FGD4: variants seen among roughly 807,000 people sequenced by gnomAD.
FGD4 encodes FYVE, RhoGEF and PH domain containing 4.
In FGD4, 42 loss-of-function variants were observed where a neutral mutation model predicts 102.0. That is an observed-to-expected ratio of 0.41 (90% CI 0.32 to 0.53). FGD4 has a LOEUF of 0.53. Ranked by LOEUF, FGD4 falls within the 20% of genes least tolerant of loss-of-function variation. The pLI, the probability that FGD4 is intolerant of heterozygous loss-of-function variation, is 0.21. For synonymous variants in FGD4, 380 were observed against 375.7 expected (o/e 1.01, Z -0.13); for missense variants, 902 against 1,078.2 (o/e 0.84, Z 2.29).
intron 12 of FGD4, 39 bp from the exon 13 acceptor site, chr12:32,624,937 A>C: frequency 6.5e-7 from 1 of 1,538,454 alleles, no homozygotes. Context: ...TTTATATGAG[A>C]AACTTTAATG....
intron 1 of FGD4, among the ~76,000 whole-genome samples, chr12:32,413,450 G>A (rs1361275460): frequency 6.6e-6 from 1 of 152,166 alleles, no homozygotes; most frequent in African/African-American, 2.4e-5. Flanking sequence ...TTACCAGTAT[G>A]TTAGCAGTAT....
intron 4 of FGD4, among the ~76,000 whole-genome samples, chr12:32,594,012 A>G (rs1243214211): frequency 6.6e-6 from 1 of 152,232 alleles, no homozygotes; most frequent in East Asian, 1.9e-4. Context: ...GTAGGAGCAT[A>G]GAGGGGGTTG....
chr12:32,534,517 T>A, intron 1 of FGD4: 1 of 1,435,828 alleles, frequency 7.0e-7, no homozygotes, highest in Non-Finnish European at 9.2e-7. Context: ...TTTCATTTTC[T>A]AGTAGATATA....
At chr12:32,413,338 G>A (rs1014886253) in intron 1 of FGD4, among the ~76,000 whole-genome samples, 5 of 151,908 alleles carry the variant, frequency 3.3e-5, no homozygotes, top group South Asian at 2.1e-4. Flanking sequence ...AATGATCTTC[G>A]TTTACTCTGC....
intron 2 of FGD4, among the ~76,000 whole-genome samples, chr12:32,574,468 A>T (rs1945966321): frequency 6.6e-6 from 1 of 152,048 alleles, no homozygotes; most frequent in Admixed American, 6.6e-5. Flanking sequence ...TTCTACACAG[A>T]AGTTTTTTTC....
intron 4 of FGD4, among the ~76,000 whole-genome samples, chr12:32,589,047 C>T (rs1947267424): frequency 6.6e-6 from 1 of 152,196 alleles, no homozygotes; most frequent in Non-Finnish European, 1.5e-5. Flanking sequence ...CAGATTACTT[C>T]AACCTCCCTG....
chr12:32,550,033 TG>T (rs1461234114), intron 1 of FGD4, among the ~76,000 whole-genome samples: 1 of 152,174 alleles, frequency 6.6e-6, no homozygotes, highest in Non-Finnish European at 1.5e-5. Context: ...TGCAGTCGGC[TG>T]GGGATGAATG....
intron 1 of FGD4, among the ~76,000 whole-genome samples, chr12:32,526,710 C>G (rs1321495496): frequency 1.3e-5 from 2 of 152,182 alleles, no homozygotes; most frequent in Non-Finnish European, 2.9e-5. Flanking sequence ...CTCTTTGGGT[C>G]CATGCTGCTT....
At chr12:32,445,334 A>T (rs1193222384) in intron 1 of FGD4, among the ~76,000 whole-genome samples, 1 of 152,218 alleles carries the variant, frequency 6.6e-6, no homozygotes, top group East Asian at 1.9e-4. Context: ...AAAAGTCCTC[A>T]TTGAGATTTT....
chr12:32,455,853 G>A (rs80247920), intron 1 of FGD4, among the ~76,000 whole-genome samples: 5,782 of 152,220 alleles, frequency 0.038, 168 homozygotes, highest in South Asian at 0.12. Flanking sequence ...AATAATAGCA[G>A]ATAGTCACAG....
intron 1 of FGD4, among the ~76,000 whole-genome samples, chr12:32,546,527 T>G (rs1943234600): frequency 6.6e-6 from 1 of 152,260 alleles, no homozygotes; most frequent in Admixed American, 6.5e-5. Context: ...GGTATCTGTC[T>G]CACTCTTTAG....
At chr12:32,421,488 C>T (rs1052383149) in intron 1 of FGD4, among the ~76,000 whole-genome samples, 6 of 152,164 alleles carry the variant, frequency 3.9e-5, no homozygotes, top group African/African-American at 1.4e-4. Context: ...TCTGGCTGCT[C>T]CTCCACTGAA....
chr12:32,440,137 G>A (rs1160582248), intron 1 of FGD4, among the ~76,000 whole-genome samples: 1 of 152,160 alleles, frequency 6.6e-6, no homozygotes, highest in Non-Finnish European at 1.5e-5. Context: ...GTTTTTCCAG[G>A]ATTGGTCCCT....
At chr12:32,503,983 A>G (rs1471753933) in intron 1 of FGD4, among the ~76,000 whole-genome samples, 2 of 152,158 alleles carry the variant, frequency 1.3e-5, no homozygotes, top group Non-Finnish European at 2.9e-5. Flanking sequence ...ATAAATCCGT[A>G]CACTTCTCAA....
intron 4 of FGD4, among the ~76,000 whole-genome samples, chr12:32,587,479 G>A (rs1163073693): frequency 1.3e-5 from 2 of 151,832 alleles, no homozygotes; most frequent in African/African-American, 2.4e-5. Context: ...CAACCTCCAC[G>A]TCCTAGGTTC....
intron 1 of FGD4, among the ~76,000 whole-genome samples, chr12:32,556,550 T>C (rs57338831): frequency 0.011 from 1,673 of 152,228 alleles, 37 homozygotes; most frequent in African/African-American, 0.038. Flanking sequence ...GATTCATCCA[T>C]GCTGTAGCAT....
chr12:32,467,235 C>T (rs556684802), intron 1 of FGD4, among the ~76,000 whole-genome samples: 1 of 152,028 alleles, frequency 6.6e-6, no homozygotes, highest in African/African-American at 2.4e-5. Flanking sequence ...GAAAAATAAA[C>T]CCTTTTTTCA....
At chr12:32,562,745 A>G (rs1258075658) in intron 1 of FGD4, among the ~76,000 whole-genome samples, 1 of 152,240 alleles carries the variant, frequency 6.6e-6, no homozygotes, top group East Asian at 1.9e-4. Context: ...GTCACCGATC[A>G]ACAGGATCCC....
intron 1 of FGD4, among the ~76,000 whole-genome samples, chr12:32,436,739 T>C: frequency 6.6e-6 from 1 of 152,170 alleles, no homozygotes; most frequent in East Asian, 1.9e-4. Flanking sequence ...GCTATCTCAT[T>C]AGCAGCTTGG....
Sources: gnomAD v4.1 joint callset for allele counts (sites outside exome capture counted in the v4.1 genomes callset) on GRCh38, gnomAD v4.1.1 for gene constraint, MANE v1.5 for transcripts, NCBI Gene and HGNC (gene_info 2026-07-23, HGNC 2026-07-21) for gene names.